CSTPP1: variants seen among roughly 807,000 people sequenced by gnomAD.
CSTPP1 encodes centriolar satellite-associated tubulin polyglutamylase complex regulator 1.
chr11:46,948,424 A>G, the CSTPP1 span, among the ~76,000 whole-genome samples: 2 of 152,240 alleles, frequency 1.3e-5, no homozygotes, highest in Non-Finnish European at 2.9e-5. Context: ...AATTGTGTAT[A>G]TAGCCACACA....
the CSTPP1 span, among the ~76,000 whole-genome samples, chr11:47,131,978 A>G: frequency 6.6e-6 from 1 of 152,172 alleles, no homozygotes. Context: ...CTCTGTTAAA[A>G]AAAAAAAAGG....
At chr11:47,106,514 G>A in the CSTPP1 span, among the ~76,000 whole-genome samples, 1 of 152,092 alleles carries the variant, frequency 6.6e-6, no homozygotes, top group South Asian at 2.1e-4. Context: ...GTGGTGACAC[G>A]CACCTGTAGT....
the CSTPP1 span, among the ~76,000 whole-genome samples, chr11:47,092,910 G>A: frequency 7.2e-3 from 1,097 of 152,252 alleles, 13 homozygotes; most frequent in Admixed American, 0.012. Context: ...TTTTACAGGG[G>A]CAGGGATTTT....
chr11:46,942,728 T>A, the CSTPP1 span, among the ~76,000 whole-genome samples: 422 of 152,308 alleles, frequency 2.8e-3, 3 homozygotes, highest in African/African-American at 9.4e-3. Flanking sequence ...AACTACCATA[T>A]GAAGTGGGTA....
the CSTPP1 span, among the ~76,000 whole-genome samples, chr11:47,063,492 T>C: frequency 6.6e-6 from 1 of 152,156 alleles, no homozygotes; most frequent in Admixed American, 6.5e-5. Context: ...ATTTCTCTCC[T>C]CCTCCAGTCC....
the CSTPP1 span, among the ~76,000 whole-genome samples, chr11:47,027,292 T>A: frequency 6.6e-6 from 1 of 152,114 alleles, no homozygotes; most frequent in Admixed American, 6.5e-5. Context: ...CAGGAATGAG[T>A]TTTGAAGTTT....
chr11:46,939,813 T>G, the CSTPP1 span, among the ~76,000 whole-genome samples: 1 of 152,152 alleles, frequency 6.6e-6, no homozygotes, highest in Non-Finnish European at 1.5e-5. Context: ...TAAAGGAGTA[T>G]ACAGTGCATA....
chr11:47,145,359 G>A, the CSTPP1 span, among the ~76,000 whole-genome samples: 5,160 of 152,168 alleles, frequency 0.034, 116 homozygotes, highest in Middle Eastern at 0.061. Context: ...GGAGGCAAAG[G>A]CAGGTGGATC....
chr11:47,032,437 C>T, the CSTPP1 span, among the ~76,000 whole-genome samples: 3 of 152,122 alleles, frequency 2.0e-5, no homozygotes, highest in Admixed American at 2.0e-4. Flanking sequence ...ATGATTATAT[C>T]TTCTGGAGAG....
At chr11:47,139,203 A>C in the CSTPP1 span, among the ~76,000 whole-genome samples, 2 of 152,056 alleles carry the variant, frequency 1.3e-5, no homozygotes, top group Non-Finnish European at 2.9e-5. Flanking sequence ...TTCTGTGGGG[A>C]GCCTCCGGCT....
chr11:46,977,709 A>G, the CSTPP1 span, among the ~76,000 whole-genome samples: 3 of 152,238 alleles, frequency 2.0e-5, no homozygotes, highest in Non-Finnish European at 4.4e-5. Context: ...AATAGTTATT[A>G]GGAGTAAAAA....
At chr11:47,079,081 G>T in the CSTPP1 span, among the ~76,000 whole-genome samples, 17 of 152,294 alleles carry the variant, frequency 1.1e-4, no homozygotes, top group African/African-American at 4.1e-4. Context: ...GAGAGTCAGT[G>T]CTCAAGAATA....
the CSTPP1 span, among the ~76,000 whole-genome samples, chr11:47,112,376 C>G: frequency 2.6e-5 from 4 of 152,022 alleles, no homozygotes; most frequent in East Asian, 7.7e-4. Flanking sequence ...GGCTGGAGTC[C>G]AGTGGCACAA....
the CSTPP1 span, among the ~76,000 whole-genome samples, chr11:46,988,653 T>C: frequency 6.6e-6 from 1 of 152,158 alleles, no homozygotes; most frequent in Non-Finnish European, 1.5e-5. Context: ...TGCTATTTGA[T>C]AGCACAACAG....
At chr11:47,066,400 T>C in the CSTPP1 span, among the ~76,000 whole-genome samples, 1 of 152,104 alleles carries the variant, frequency 6.6e-6, no homozygotes, top group East Asian at 1.9e-4. Context: ...GTTGGGTTCA[T>C]TGGTGTGACT....
the CSTPP1 span, chr11:46,987,266 G>A: frequency 6.2e-7 from 1 of 1,614,148 alleles, no homozygotes; most frequent in Middle Eastern, 1.6e-4. Context: ...TAGAAAACAG[G>A]GAAGATATTA....
the CSTPP1 span, among the ~76,000 whole-genome samples, chr11:47,010,380 A>C: frequency 6.6e-6 from 1 of 152,204 alleles, no homozygotes; most frequent in Non-Finnish European, 1.5e-5. Context: ...GAAGCAACGG[A>C]ATCTGTCTCT....
the CSTPP1 span, among the ~76,000 whole-genome samples, chr11:47,071,464 G>A: frequency 2.0e-5 from 3 of 152,120 alleles, no homozygotes; most frequent in Admixed American, 6.5e-5. Flanking sequence ...CAGTAATCCC[G>A]GTATGTAATA....
chr11:46,987,111 C>A, the CSTPP1 span: 1 of 1,158,826 alleles, frequency 8.6e-7, no homozygotes, highest in Non-Finnish European at 1.3e-6. Flanking sequence ...GAGCCAACAC[C>A]TGGATTGCCT....
Sources: gnomAD v4.1 joint callset for allele counts (sites outside exome capture counted in the v4.1 genomes callset) on GRCh38, gnomAD v4.1.1 for gene constraint, MANE v1.5 for transcripts, NCBI Gene and HGNC (gene_info 2026-07-23, HGNC 2026-07-21) for gene names.